MAGI1: variants seen among roughly 807,000 people sequenced by gnomAD.
The protein encoded by MAGI1 is membrane associated guanylate kinase, WW and PDZ domain containing 1, also known as membrane-associated guanylate kinase, WW and PDZ domain-containing protein 1.
In MAGI1, 58 loss-of-function variants were observed where a neutral mutation model predicts 139.9. The ratio of observed to expected loss-of-function variants is 0.41; its 90% CI spans 0.34 to 0.52. MAGI1 has a LOEUF of 0.52. MAGI1 is among the 20% of genes least tolerant of loss of function. The pLI is 0.12. For synonymous variants in MAGI1, 812 were observed against 737.9 expected (o/e 1.10, Z -1.63); for missense variants, 1,874 against 1,901.6 (o/e 0.99, Z 0.27).
intron 1 of MAGI1, among the ~76,000 whole-genome samples, chr3:65,713,591 G>A (rs73832931): frequency 0.038 from 5,733 of 152,182 alleles, 356 homozygotes; most frequent in African/African-American, 0.13. Context: ...ACCACTAACC[G>A]AGAAGGGCAG....
chr3:65,480,003 G>A (rs1285019390), intron 3 of MAGI1, among the ~76,000 whole-genome samples: 1 of 152,070 alleles, frequency 6.6e-6, no homozygotes, highest in Non-Finnish European at 1.5e-5. Context: ...CTGAGATGCT[G>A]GATCAATCCT....
intron 2 of MAGI1, among the ~76,000 whole-genome samples, chr3:65,606,218 G>T (rs190677110): frequency 4.1e-4 from 63 of 152,340 alleles, no homozygotes; most frequent in African/African-American, 1.3e-3. Flanking sequence ...GGACAGAAGG[G>T]CTATGAGTCA....
chr3:66,038,735 G>A lies in MAGI1; in HGVS notation c.-427C>T, dbSNP rs981818222. On this transcript the variant is annotated 5_prime_UTR_variant, in exon 1 of 23. Transcript: ENST00000402939. ...CTGGCAGGCTGTTACTGAGGGTGAGGGAAGCCCTTCCAGCCAGTTGCCGGG... is the reference window on the plus strand; with the variant it reads ...CTGGCAGGCTGTTACTGAGGGTGAGAGAAGCCCTTCCAGCCAGTTGCCGGG... 7 of 166,880 alleles carry A rather than the reference G, an allele frequency of 4.2e-5. No individual in the cohort carries two copies. The highest frequency in any genetic ancestry group is 9.0e-5 in the Non-Finnish European group (7 of 78,054). 10.3% of individuals were successfully genotyped at this position (166,880 alleles called of 1,614,324 possible).
At chr3:65,807,819 T>C (rs749043426) in intron 1 of MAGI1, among the ~76,000 whole-genome samples, 6 of 152,168 alleles carry the variant, frequency 3.9e-5, no homozygotes, top group Non-Finnish European at 5.9e-5. Flanking sequence ...CCTCTCAAGA[T>C]AGATACCAGT....
At chr3:65,691,416 A>C (rs893345940) in intron 1 of MAGI1, among the ~76,000 whole-genome samples, 2 of 152,104 alleles carry the variant, frequency 1.3e-5, no homozygotes, top group African/African-American at 4.8e-5. Context: ...AATAGCAAAA[A>C]CCACAATTAC....
At chr3:65,398,564 T>C (rs992611200) in intron 13 of MAGI1, among the ~76,000 whole-genome samples, 1 of 152,186 alleles carries the variant, frequency 6.6e-6, no homozygotes, top group African/African-American at 2.4e-5. Context: ...AAACGGTGGA[T>C]ACTGACTTAA....
chr3:65,493,451 C>T, intron 3 of MAGI1, 61 bp downstream of exon 3: 1 of 1,608,118 alleles, frequency 6.2e-7, no homozygotes, highest in Non-Finnish European at 8.5e-7. Context: ...GCCTGGATGG[C>T]TCTGGCTCCT....
intron 2 of MAGI1, among the ~76,000 whole-genome samples, chr3:65,511,356 T>C (rs1346770455): frequency 5.4e-5 from 8 of 147,416 alleles, no homozygotes; most frequent in Non-Finnish European, 1.2e-4. Context: ...AGACACAGAC[T>C]GGCAAATTGG....
chr3:65,746,635 T>C (rs917838399), intron 1 of MAGI1, among the ~76,000 whole-genome samples: 2 of 152,114 alleles, frequency 1.3e-5, no homozygotes, highest in African/African-American at 4.8e-5. Flanking sequence ...GCACATCTAG[T>C]GAGCACAAAC....
intron 5 of MAGI1, among the ~76,000 whole-genome samples, chr3:65,469,086 A>G (rs917093016): frequency 6.6e-6 from 1 of 152,234 alleles, no homozygotes; most frequent in Non-Finnish European, 1.5e-5. Flanking sequence ...ACTCAAACCC[A>G]ACTGTTAATA....
At chr3:65,377,988 T>G (rs747176496) in intron 17 of MAGI1, among the ~76,000 whole-genome samples, 1 of 152,232 alleles carries the variant, frequency 6.6e-6, no homozygotes, top group African/African-American at 2.4e-5. Context: ...TCCATGTGGA[T>G]AAGTCATTCA....
intron 2 of MAGI1, among the ~76,000 whole-genome samples, chr3:65,528,500 T>C (rs1576197072): frequency 6.6e-6 from 1 of 152,172 alleles, no homozygotes; most frequent in Non-Finnish European, 1.5e-5. Flanking sequence ...AATGAACTTA[T>C]ACCTCTCTTT....
intron 1 of MAGI1, among the ~76,000 whole-genome samples, chr3:65,805,487 G>A (rs2040795423): frequency 6.6e-6 from 1 of 152,214 alleles, no homozygotes; most frequent in South Asian, 2.1e-4. Context: ...TACAGTGTTG[G>A]TGGGAACACA....
intron 18 of MAGI1, among the ~76,000 whole-genome samples, chr3:65,374,822 T>G (rs1008141353): frequency 6.6e-6 from 1 of 152,274 alleles, no homozygotes; most frequent in African/African-American, 2.4e-5. Flanking sequence ...AACCAAAGAT[T>G]TGAATTTAAC....
intron 17 of MAGI1, among the ~76,000 whole-genome samples, chr3:65,377,365 G>A (rs1254767738): frequency 1.3e-5 from 2 of 152,216 alleles, no homozygotes; most frequent in African/African-American, 4.8e-5. Flanking sequence ...CGAACAGCAG[G>A]TCTGAGGAAA....
Position 65,789,383 on chromosome 3 carries a change from T to C in MAGI1, c.314-167295A>G, listed in dbSNP as rs376385794. On this transcript the variant is annotated intron_variant, in intron 1 of 22. Transcript: ENST00000402939. ...CTGTAATAAAAGCCCTTGAAAATCA[T>C]ACCGGGGTGGCCAAGAGAATGGCAT... Among the ~76,000 whole-genome samples, 18 of 152,196 alleles carry C rather than the reference T, an allele frequency of 1.2e-4. No homozygotes were observed. The East Asian group carries it at 1.5e-3, about 13-fold the overall frequency.
At chr3:65,989,837 C>G (rs549882471) in intron 1 of MAGI1, among the ~76,000 whole-genome samples, 1 of 152,208 alleles carries the variant, frequency 6.6e-6, no homozygotes, top group African/African-American at 2.4e-5. Flanking sequence ...CTGCACCTGA[C>G]CCAGACATAA....
At chr3:65,569,539 A>G (rs2080839799) in intron 2 of MAGI1, among the ~76,000 whole-genome samples, 1 of 145,354 alleles carries the variant, frequency 6.9e-6, no homozygotes, top group Non-Finnish European at 1.5e-5. Flanking sequence ...GTAAGTTTAA[A>G]GTATATAAAT....
intron 1 of MAGI1, among the ~76,000 whole-genome samples, chr3:65,725,827 C>T (rs2107707850): frequency 6.6e-6 from 1 of 152,262 alleles, no homozygotes; most frequent in Non-Finnish European, 1.5e-5. Context: ...CAAGACTCTC[C>T]AAGCTGGTTG....
Sources: gnomAD v4.1 joint callset for allele counts (sites outside exome capture counted in the v4.1 genomes callset) on GRCh38, gnomAD v4.1.1 for gene constraint, MANE v1.5 for transcripts, NCBI Gene and HGNC (gene_info 2026-07-23, HGNC 2026-07-21) for gene names.